The following HECW1 variants were observed in gnomAD, a reference collection of about 807,000 sequenced individuals.
HECW1 encodes E3 ubiquitin-protein ligase HECW1.
Under a neutral mutation model 182.3 loss-of-function variants are expected in HECW1, and 61 were observed. The observed-to-expected ratio is 0.33, with a 90% confidence interval of 0.27 to 0.41. HECW1 has a LOEUF of 0.41. Among genes scored for constraint, HECW1 ranks in the 10% least tolerant of loss-of-function variants. The pLI is 1.00. For synonymous variants in HECW1, 859 were observed against 832.6 expected (o/e 1.03, Z -0.55); for missense variants, 1,739 against 2,108.9 (o/e 0.82, Z 3.44).
At chr7:43,352,376 C>A (rs1201284253) in intron 5 of HECW1, among the ~76,000 whole-genome samples, 1 of 152,070 alleles carries the variant, frequency 6.6e-6, no homozygotes, top group Non-Finnish European at 1.5e-5. Flanking sequence ...AACTGGGTGT[C>A]CTGTATTTGA....
At chr7:43,233,470 G>A (rs891906953) in intron 2 of HECW1, among the ~76,000 whole-genome samples, 2 of 152,114 alleles carry the variant, frequency 1.3e-5, no homozygotes, top group African/African-American at 4.8e-5. Flanking sequence ...ATTATCCAGT[G>A]GAAAAATATG....
At chr7:43,546,529 ATGT>A (rs2081569662) in intron 26 of HECW1, among the ~76,000 whole-genome samples, 1 of 151,538 alleles carries the variant, frequency 6.6e-6, no homozygotes, top group Non-Finnish European at 1.5e-5. Context: ...TGAATTAGAG[ATGT>A]TGTTTTGGGG....
chr7:43,265,409 C>T (rs1193637227), intron 3 of HECW1, among the ~76,000 whole-genome samples: 2 of 152,048 alleles, frequency 1.3e-5, no homozygotes, highest in African/African-American at 2.4e-5. Context: ...GAGCAGACAG[C>T]CTAAAGAAGA....
At chr7:43,401,407 G>A (rs2075401202) in intron 7 of HECW1, among the ~76,000 whole-genome samples, 1 of 152,090 alleles carries the variant, frequency 6.6e-6, no homozygotes, top group Admixed American at 6.5e-5. Context: ...CAGTGTTTTT[G>A]ATGAAGAAAT....
intron 6 of HECW1, among the ~76,000 whole-genome samples, chr7:43,373,319 C>T (rs2074192390): frequency 6.6e-6 from 1 of 150,512 alleles, no homozygotes; most frequent in Admixed American, 6.7e-5. Context: ...AAGTGATTCT[C>T]CTACCTGAAT....
At chr7:43,327,604 T>A (rs1251286581) in intron 5 of HECW1, among the ~76,000 whole-genome samples, 1 of 152,184 alleles carries the variant, frequency 6.6e-6, no homozygotes. Context: ...CTCGTACTCA[T>A]GTTGGTCTTC....
chr7:43,537,096 G>T (rs948252113), intron 24 of HECW1, among the ~76,000 whole-genome samples: 4 of 152,194 alleles, frequency 2.6e-5, no homozygotes, highest in African/African-American at 9.7e-5. Flanking sequence ...CCAGGAGCAG[G>T]GGTGGCCTGC....
At chr7:43,505,987 T>C (rs766742403) in intron 21 of HECW1, among the ~76,000 whole-genome samples, 28 of 152,230 alleles carry the variant, frequency 1.8e-4, no homozygotes, top group Non-Finnish European at 3.5e-4. Context: ...TGACCACCTT[T>C]AAAACTTGGG....
intron 16 of HECW1, among the ~76,000 whole-genome samples, chr7:43,470,773 T>C (rs1467702130): frequency 6.6e-6 from 1 of 152,000 alleles, no homozygotes; most frequent in African/African-American, 2.4e-5. Flanking sequence ...TCTCAGCAAT[T>C]TCTTATTAAT....
intron 8 of HECW1, among the ~76,000 whole-genome samples, chr7:43,430,715 T>C (rs2076518530): frequency 6.6e-6 from 1 of 151,856 alleles, no homozygotes; most frequent in African/African-American, 2.4e-5. Context: ...CAAGTTTTGA[T>C]TACATGGTTA....
At chr7:43,277,855 G>A (rs1389948102) in intron 3 of HECW1, among the ~76,000 whole-genome samples, 3 of 152,114 alleles carry the variant, frequency 2.0e-5, no homozygotes, top group Admixed American at 2.0e-4. Context: ...TGCTGGACAC[G>A]GTTGACTGTA....
In HECW1 at chr7:43,243,254, G is replaced by A. The variant is rs906330170; in HGVS notation, c.-31-621G>A. Among the ~76,000 whole-genome samples, 5 of 152,202 alleles carry A rather than the reference G, an allele frequency of 3.3e-5. No individual in the cohort carries two copies. Among genetic ancestry groups the A allele is most frequent in the African/African-American group, 1.2e-4 (5 of 41,458 alleles). ...TCCCATGCCTGGCATCTCTGCTCAA[G>A]TCCTGTATGCTAATTTTGGACATGG... On this transcript the variant is annotated intron_variant, in intron 2 of 29. Transcript: ENST00000395891. The surrounding 1 kb of genome is among the most constrained non-coding windows in gnomAD (Gnocchi z 4.0).
chr7:43,143,270 C>A lies in HECW1; in HGVS notation c.-32+28879C>A, dbSNP rs572357640. ...ACAGGGGTGAGCCACTGTGCCCGGC[C>A]AAGGCCGCCTTTCTTTTTTATATAT... On this transcript the variant is annotated intron_variant, in intron 2 of 29. Transcript: ENST00000395891. Among the ~76,000 whole-genome samples, 261 of 151,552 alleles carry A rather than the reference C, an allele frequency of 1.7e-3. 1 individual carries two copies. Among genetic ancestry groups the A allele is most frequent in the African/African-American group, 6.0e-3 (246 of 41,250 alleles).
chr7:43,338,418 A>G (rs369371535), intron 5 of HECW1, among the ~76,000 whole-genome samples: 3 of 151,854 alleles, frequency 2.0e-5, no homozygotes, highest in African/African-American at 7.3e-5. Flanking sequence ...GATCCTCTAT[A>G]TATGTTTGTT....
chr7:43,237,918 A>G (rs1302390849), intron 2 of HECW1, among the ~76,000 whole-genome samples: 1 of 151,960 alleles, frequency 6.6e-6, no homozygotes, highest in Non-Finnish European at 1.5e-5. Flanking sequence ...AAGTTAAATG[A>G]GATACTGAAG....
chr7:43,113,838 C>G (rs1784835170), intron 1 of HECW1: 1 of 233,142 alleles, frequency 4.3e-6, no homozygotes, highest in South Asian at 1.8e-4. Flanking sequence ...ACGTCCCGGC[C>G]ACTTGGCTGA....
intron 29 of HECW1, among the ~76,000 whole-genome samples, chr7:43,555,457 A>G (rs1020883924): frequency 5.9e-5 from 9 of 152,178 alleles, no homozygotes; most frequent in African/African-American, 2.2e-4. Flanking sequence ...CACTGAAGAG[A>G]CAGTTGTGCA....
At chr7:43,510,588 T>C (rs1035354233) in intron 24 of HECW1, among the ~76,000 whole-genome samples, 6 of 152,312 alleles carry the variant, frequency 3.9e-5, no homozygotes, top group Middle Eastern at 3.4e-3. Context: ...TGCTCACTTA[T>C]ACGCACATAT....
At chr7:43,215,275 C>T (rs756779316) in intron 2 of HECW1, among the ~76,000 whole-genome samples, 1 of 152,224 alleles carries the variant, frequency 6.6e-6, no homozygotes, top group Non-Finnish European at 1.5e-5. Flanking sequence ...CTGCACCTTG[C>T]AAGGGTCGGT....
Sources: allele counts gnomAD v4.1 joint callset (sites outside exome capture counted in the v4.1 genomes callset), GRCh38; gene constraint gnomAD v4.1.1; non-coding constraint Gnocchi (gnomAD v3.1); transcripts MANE v1.5; gene names NCBI Gene and HGNC (gene_info 2026-07-23, HGNC 2026-07-21).